Variants in SLC16A10 observed in about 807,000 individuals in gnomAD.
SLC16A10 encodes the protein monocarboxylate transporter 10.
SLC16A10 carries 27 observed loss-of-function variants against 40.0 expected under a neutral mutation model. That is an observed-to-expected ratio of 0.67 (90% confidence interval 0.50 to 0.93). The LOEUF is 0.93. SLC16A10 is among the 40% of genes least tolerant of loss of function. SLC16A10 has a pLI of 0.00. For missense variants in SLC16A10, 529 were observed against 658.2 expected, an observed-to-expected ratio of 0.80 and a Z score of 2.15; for synonymous variants, 213 against 249.8, an observed-to-expected ratio of 0.85 and a Z score of 1.39.
intron 1 of SLC16A10, among the ~76,000 whole-genome samples, chr6:111,130,574 A>G (rs1045125331): frequency 2.0e-5 from 3 of 151,984 alleles, no homozygotes; most frequent in Admixed American, 2.0e-4. Flanking sequence ...TGGTAGCATT[A>G]CCTCTGCATT....
intron 1 of SLC16A10, among the ~76,000 whole-genome samples, chr6:111,124,651 C>A (rs1277358815): frequency 6.6e-6 from 1 of 152,186 alleles, no homozygotes; most frequent in African/African-American, 2.4e-5. Context: ...GCATGAGACA[C>A]CATGCCCAGC....
Position 111,226,063 on chromosome 6 carries a change from A to T in SLC16A10, c.*3828A>T, listed in dbSNP as rs1770989697. On this transcript the variant is annotated 3_prime_UTR_variant, in exon 6 of 6. Transcript: ENST00000368851. The stretch of plus-strand genomic sequence containing the variant: ...GACTTAGTTCTAATGATCTACATTG[A>T]ATTTAAATTACATGACTGAAATATT... The T allele has an allele frequency of 6.6e-6, 1 of 152,200 alleles. No homozygotes were observed. Among genetic ancestry groups the T allele is most frequent in the Non-Finnish European group, 1.5e-5 (1 of 68,026 alleles). 9.4% of individuals were successfully genotyped at this position (152,200 alleles called of 1,614,324 possible). A position where few individuals can be genotyped will look rare whatever the true frequency, so the allele number is the denominator to read the frequency against.
chr6:111,220,745 G>A (rs1325920542), intron 5 of SLC16A10, among the ~76,000 whole-genome samples: 1 of 152,224 alleles, frequency 6.6e-6, no homozygotes, highest in East Asian at 1.9e-4. Context: ...TATATAAGCA[G>A]CACTCTAGTA....
intron 1 of SLC16A10, among the ~76,000 whole-genome samples, chr6:111,121,895 C>CT (rs1771590543): frequency 6.6e-6 from 1 of 152,148 alleles, no homozygotes; most frequent in Non-Finnish European, 1.5e-5. Context: ...GGAGGCTGTT[C>CT]TAGGGGTCTG....
At chr6:111,157,869 C>A (rs1772299117) in intron 1 of SLC16A10, among the ~76,000 whole-genome samples, 1 of 147,658 alleles carries the variant, frequency 6.8e-6, no homozygotes. Context: ...TTCAGAGTAT[C>A]AGTACTATGA....
At position 111,223,369 on chromosome 6, in the gene SLC16A10, A is replaced by G. The variant is rs527670290; in HGVS notation, c.*1134A>G. ...GTTTTTTTTTGCTATTTATATACAG[A>G]TTATCATAAGAAAGCTCTCAGTTTG... is the stretch of plus-strand genomic sequence containing the variant. On this transcript the variant is annotated 3_prime_UTR_variant, in exon 6 of 6. Coordinates refer to ENST00000368851, the MANE Select transcript of SLC16A10 (RefSeq NM_018593.5). The G allele has an allele frequency of 6.6e-6, 1 of 152,232 alleles. No homozygotes were observed. Among genetic ancestry groups the G allele is most frequent in the East Asian group, 1.9e-4 (1 of 5,188 alleles). 9.4% of individuals were successfully genotyped at this position (152,232 alleles called of 1,614,324 possible). A position where few individuals can be genotyped will look rare whatever the true frequency, so the allele number is the denominator to read the frequency against.
At chr6:111,105,827 G>A (rs1771275671) in intron 1 of SLC16A10, among the ~76,000 whole-genome samples, 1 of 152,210 alleles carries the variant, frequency 6.6e-6, no homozygotes, top group Admixed American at 6.5e-5. Context: ...AAGCCCAGCT[G>A]AAGGTGCTGG....
At chr6:111,202,308 A>G (rs1773180534) in intron 3 of SLC16A10, among the ~76,000 whole-genome samples, 1 of 152,024 alleles carries the variant, frequency 6.6e-6, no homozygotes, top group South Asian at 2.1e-4. Context: ...GGACCATGTC[A>G]CTACAAAAAT....
intron 5 of SLC16A10, among the ~76,000 whole-genome samples, chr6:111,221,681 G>A (rs568363423): frequency 6.6e-6 from 1 of 151,974 alleles, no homozygotes; most frequent in East Asian, 1.9e-4. Context: ...GGGAAGTCAA[G>A]GCCTGCATGA....
intron 1 of SLC16A10, among the ~76,000 whole-genome samples, chr6:111,152,156 T>C (rs1772183792): frequency 6.6e-6 from 1 of 152,246 alleles, no homozygotes; most frequent in Non-Finnish European, 1.5e-5. Flanking sequence ...CTTATCCATT[T>C]AATTTCTGAA....
chr6:111,099,136 G>C (rs1050775272), intron 1 of SLC16A10, among the ~76,000 whole-genome samples: 3 of 152,192 alleles, frequency 2.0e-5, no homozygotes, highest in African/African-American at 7.2e-5. Context: ...CTATAATGTA[G>C]TGGTAACACC....
In SLC16A10 at chr6:111,229,049, A is replaced by AT. The variant is rs1554262649; in HGVS notation, c.*6815dup. ...TGTCTCAAAAAAAAAAAAAAAAAAA[A>AT]TAGTGCTGCATTTTGACCCTGGACT... On this transcript the variant is annotated 3_prime_UTR_variant, in exon 6 of 6. Transcript: ENST00000368851. The AT allele has an allele frequency of 3.9e-5, 6 of 152,306 alleles. No homozygotes were observed. The highest frequency in any genetic ancestry group is 5.8e-5 in the Non-Finnish European group (4 of 68,702). 9.4% of individuals were successfully genotyped at this position (152,306 alleles called of 1,614,324 possible).
intron 1 of SLC16A10, among the ~76,000 whole-genome samples, chr6:111,115,973 A>G (rs935537716): frequency 5.9e-5 from 9 of 152,090 alleles, no homozygotes; most frequent in Admixed American, 3.3e-4. Flanking sequence ...ATACCCATGA[A>G]AAAGGAATAT....
chr6:111,124,019 C>T (rs1044974103), intron 1 of SLC16A10, among the ~76,000 whole-genome samples: 1 of 152,130 alleles, frequency 6.6e-6, no homozygotes. Flanking sequence ...GTTCCAGTTG[C>T]TCTACTTTAG....
rs1771024398 is a variant in SLC16A10 at position 111,227,583 on chromosome 6, A to G, written c.*5348A>G. On this transcript the variant is annotated 3_prime_UTR_variant, in exon 6 of 6. Coordinates refer to ENST00000368851, the MANE Select transcript of SLC16A10 (RefSeq NM_018593.5). Reference sequence around the variant, plus strand: ...CTTTTTTAAAATTATCAAATTTTAAATCGTAAACTTTGTCTTCACTTCCAC... The same window carrying G: ...CTTTTTTAAAATTATCAAATTTTAAGTCGTAAACTTTGTCTTCACTTCCAC... The G allele has an allele frequency of 6.6e-6, 1 of 152,170 alleles. No homozygotes were observed. Among genetic ancestry groups the G allele is most frequent in the Non-Finnish European group, 1.5e-5 (1 of 68,036 alleles). 9.4% of individuals were successfully genotyped at this position (152,170 alleles called of 1,614,324 possible).
chr6:111,173,877 A>G (rs1254424266), intron 2 of SLC16A10, among the ~76,000 whole-genome samples: 1 of 152,184 alleles, frequency 6.6e-6, no homozygotes, highest in Non-Finnish European at 1.5e-5. Flanking sequence ...ATGCACTTGA[A>G]TCATCCCTAA....
At chr6:111,132,984 G>T (rs1331468060) in intron 1 of SLC16A10, among the ~76,000 whole-genome samples, 1 of 152,140 alleles carries the variant, frequency 6.6e-6, no homozygotes, top group Admixed American at 6.5e-5. Context: ...TGACTCAAAA[G>T]GTTACCTACA....
At chr6:111,221,825 A>G (rs1770900228) in intron 5 of SLC16A10, among the ~76,000 whole-genome samples, 178 bp from the exon 6 acceptor site, 1 of 151,848 alleles carries the variant, frequency 6.6e-6, no homozygotes. Flanking sequence ...ACTTTATGAC[A>G]ACGTTAAAGA....
chr6:111,144,208 A>G (rs1405200808), intron 1 of SLC16A10, among the ~76,000 whole-genome samples: 1 of 152,068 alleles, frequency 6.6e-6, no homozygotes, highest in African/African-American at 2.4e-5. Flanking sequence ...AATTATTATT[A>G]TTATTTTCTT....
Sources: gnomAD v4.1 joint callset for allele counts (sites outside exome capture counted in the v4.1 genomes callset) on GRCh38, gnomAD v4.1.1 for gene constraint, MANE v1.5 for transcripts, NCBI Gene and HGNC (gene_info 2026-07-23, HGNC 2026-07-21) for gene names.